ZNF697: variants seen among roughly 807,000 people sequenced by gnomAD.
The protein encoded by ZNF697 is zinc finger protein 697.
In ZNF697, 23 loss-of-function variants were observed where a neutral mutation model predicts 32.4. The observed-to-expected ratio is 0.71, with a 90% CI of 0.51 to 1.01. The LOEUF (loss-of-function observed/expected upper bound fraction) is 1.01. Among genes scored for constraint, ZNF697 ranks in the 50% least tolerant of loss-of-function variants. ZNF697 has a pLI of 0.00. For synonymous variants in ZNF697, 418 were observed against 337.2 expected, an observed-to-expected ratio of 1.24 and a Z score of -2.62; for missense variants, 930 against 794.0, an observed-to-expected ratio of 1.17 and a Z score of -2.06.
chr1:119,632,099 G>A lies in ZNF697; in HGVS notation c.-37-5962C>T, dbSNP rs587629728. 4.6e-5 allele frequency among the ~76,000 whole-genome samples: 7 copies of A among 152,258 alleles called. No individual in the cohort carries two copies. In the East Asian group the frequency reaches 1.4e-3, roughly 29 times the overall value. Reference sequence around the variant, plus strand: ...GTAAAAAGTCAGCTAGCCTCTCGGGGGATATGACCATCAAGGTCCTGCCTC... The same window carrying A: ...GTAAAAAGTCAGCTAGCCTCTCGGGAGATATGACCATCAAGGTCCTGCCTC... On this transcript the variant is annotated intron_variant, in intron 1 of 2. Transcript: ENST00000421812.
At chr1:119,630,273 A>C (rs587691520) in intron 1 of ZNF697, among the ~76,000 whole-genome samples, 27 of 152,356 alleles carry the variant, frequency 1.8e-4, no homozygotes, top group African/African-American at 6.0e-4. Flanking sequence ...CATGTGACAC[A>C]CAGGTGAGTT....
Position 119,623,035 on chromosome 1 carries a change from G to A in ZNF697, c.1308C>T (p.Pro436=), listed in dbSNP as rs773107983. 8.8e-6 allele frequency: 14 copies of A among 1,591,474 alleles called. No homozygotes were observed. The highest frequency in any genetic ancestry group is 8.7e-5 in the Admixed American group (5 of 57,758). Residue 436 remains proline (P), a synonymous_variant, in exon 3 of 3, where the codon CCC becomes CCT. Transcript: ENST00000421812. Reference sequence around the variant, plus strand: ...CCTTCCCGCACTCGCGGCACACGTAGGGCCGCTCACCCGAGTGCGTGCGCT... The same window carrying A: ...CCTTCCCGCACTCGCGGCACACGTAAGGCCGCTCACCCGAGTGCGTGCGCT... The part of the protein sequence containing the change: ...THKRTHSGER[P]YVCRECGKGF...
Position 119,626,088 on chromosome 1 carries a change from C to T in ZNF697, c.13G>A (p.Asp5Asn). The T allele has an allele frequency of 3.1e-6, 5 of 1,613,912 alleles. No homozygotes were observed. The highest frequency in any genetic ancestry group is 4.2e-6 in the Non-Finnish European group (5 of 1,179,826). MKQE[D>N]NQGVCAHQDS... ...TGGTGTGCACAGACACCCTGATTAT[C>T]TTCTTGTTTCATCCAGGAAGAAAAG... The change falls in exon 2 of 3, where the codon GAT becomes AAT. Residue 5 changes from aspartate (D) to asparagine (N), a missense_variant. Asp to Asn is a conservative substitution (Grantham distance 23). Transcript: ENST00000421812.
At position 119,623,325 on chromosome 1, in the gene ZNF697, C is replaced by A. The variant is rs1490710162; in HGVS notation, c.1018G>T (p.Ala340Ser). ...GCCGCCCCCGCGCCGCTGGCCGCCG[C>A]GTGCGCGCGCCGGTGGCTCAACAGA... Reference protein sequence around the residue: ...SHLLSHRRAHAAASGAGAAAL... With the variant: ...SHLLSHRRAHSAASGAGAAAL... Residue 340 changes from alanine to serine, a missense_variant, in exon 3 of 3, where the codon GCG becomes TCG. By Grantham distance (99) the Ala-to-Ser change is moderately conservative. Coordinates refer to ENST00000421812, the MANE Select transcript of ZNF697 (RefSeq NM_001080470.2). 2 of 1,307,618 alleles carry A rather than the reference C, an allele frequency of 1.5e-6. No individual in the cohort carries two copies. The highest frequency in any genetic ancestry group is 1.6e-5 in the African/African-American group (1 of 60,958). 81.0% of individuals were successfully genotyped at this position (1,307,618 alleles called of 1,614,324 possible).
intron 1 of ZNF697, among the ~76,000 whole-genome samples, chr1:119,642,348 A>C (rs995928699): frequency 6.6e-6 from 1 of 152,194 alleles, no homozygotes; most frequent in Non-Finnish European, 1.5e-5. Context: ...AGTGAATCCT[A>C]AAGTAAATTA....
In ZNF697 at chr1:119,622,563, A is replaced by C. The variant is rs878982622; in HGVS notation, c.*142T>G. 1 of 1,401,446 alleles carries C rather than the reference A, an allele frequency of 7.1e-7. No individual in the cohort carries two copies. The highest frequency in any genetic ancestry group is 9.3e-7 in the Non-Finnish European group (1 of 1,073,228). The allele number at this position is 1,401,446 out of a possible 1,614,324, so 86.8% of individuals were successfully genotyped here. On this transcript the variant is annotated 3_prime_UTR_variant, in exon 3 of 3. Coordinates refer to ENST00000421812, the MANE Select transcript of ZNF697 (RefSeq NM_001080470.2). ...ACTTACTCAACACTCCTCCCACTTC[A>C]GGAAACCCCAAACACCAAAGGCTCC... is the stretch of plus-strand genomic sequence containing the variant.
rs1302430700 is a variant in ZNF697 at position 119,620,107 on chromosome 1, A to G, written c.*2598T>C. The G allele has an allele frequency of 1.3e-5, 2 of 152,672 alleles. No individual in the cohort carries two copies. The highest frequency in any genetic ancestry group is 4.8e-5 in the African/African-American group (2 of 41,464). The allele number at this position is 152,672 out of a possible 1,614,324, so 9.5% of individuals were successfully genotyped here. ...AAAAATGGAATCACATTTTAAATGC[A>G]CCAATAGAGTCGGGTGTTGGTAGTT... is the stretch of plus-strand genomic sequence containing the variant. On this transcript the variant is annotated 3_prime_UTR_variant, in exon 3 of 3. Transcript: ENST00000421812.
Position 119,622,704 on chromosome 1 carries a change from C to T in ZNF697, c.*1G>A. On this transcript the variant is annotated 3_prime_UTR_variant, in exon 3 of 3. Transcript: ENST00000421812. ...ACGGCAGCCTCCCGCGGACCCAGCCCCTAACACAGGTGCAGCTTCTGGTGC... is the reference window on the plus strand; with the variant it reads ...ACGGCAGCCTCCCGCGGACCCAGCCTCTAACACAGGTGCAGCTTCTGGTGC... The T allele has an allele frequency of 6.6e-7, 1 of 1,523,962 alleles. No individual in the cohort carries two copies. Among genetic ancestry groups the T allele is most frequent in the Admixed American group, 2.0e-5 (1 of 49,592 alleles). The allele number at this position is 1,523,962 out of a possible 1,614,324, so 94.4% of individuals were successfully genotyped here.
rs1207928135 is a variant in ZNF697, at chr1:119,623,919, G to T, written c.424C>A (p.Pro142Thr). The T allele has an allele frequency of 1.0e-5, 16 of 1,575,938 alleles. No homozygotes were observed. The African/African-American group carries it at 1.8e-4, about 17-fold the overall frequency. ...EEEQPAPPVL[P>T]WRRHLSLGSR... is the part of the protein sequence containing the mutation. ...CCCAGGGAGAGATGTCGCCTCCAGG[G>T]AAGTACGGGAGGGGCCGGCTGCTCC... Residue 142 changes from proline to threonine, a missense_variant, in exon 3 of 3, where the codon CCC (proline) becomes ACC (threonine). Transcript: ENST00000421812.
chr1:119,622,417 T>TCCTCAAATC lies in ZNF697; in HGVS notation c.*287_*288insGATTTGAGG. ...GCCCACGAACTGCCCTTCCTCAAAG[T>TCCTCAAATC]GCCTGGTCCTCCAAGCTCTTCACCC... is the stretch of plus-strand genomic sequence containing the variant. On this transcript the variant is annotated 3_prime_UTR_variant, in exon 3 of 3. Coordinates refer to ENST00000421812, the MANE Select transcript of ZNF697 (RefSeq NM_001080470.2). 1 of 402,510 alleles carries TCCTCAAATC rather than the reference T, an allele frequency of 2.5e-6. No individual in the cohort carries two copies. The highest frequency in any genetic ancestry group is 4.2e-6 in the Non-Finnish European group (1 of 239,906). The allele number at this position is 402,510 out of a possible 1,614,324, so 24.9% of individuals were successfully genotyped here. A position where few individuals can be genotyped will look rare whatever the true frequency, so the allele number is the denominator to read the frequency against.
At chr1:119,643,058 C>T (rs373459464) in intron 1 of ZNF697, among the ~76,000 whole-genome samples, 1 of 152,186 alleles carries the variant, frequency 6.6e-6, no homozygotes, top group Non-Finnish European at 1.5e-5. Context: ...CAAAGCAAAA[C>T]ATTTCTTAGC....
At position 119,621,047 on chromosome 1, in the gene ZNF697, C is replaced by T. The variant is rs777437290; in HGVS notation, c.*1658G>A. On this transcript the variant is annotated 3_prime_UTR_variant, in exon 3 of 3. Coordinates refer to ENST00000421812, the MANE Select transcript of ZNF697 (RefSeq NM_001080470.2). ...TCAGCATAAGTAACTGAAATCTATACAAGAGTCATCTAACTACAGCCCCTT... is the reference window on the plus strand; with the variant it reads ...TCAGCATAAGTAACTGAAATCTATATAAGAGTCATCTAACTACAGCCCCTT... 11 of 152,178 alleles carry T rather than the reference C, an allele frequency of 7.2e-5. No homozygotes were observed. The highest frequency in any genetic ancestry group is 1.3e-4 in the Non-Finnish European group (9 of 68,012). 9.4% of individuals were successfully genotyped at this position (152,178 alleles called of 1,614,324 possible).
intron 1 of ZNF697, among the ~76,000 whole-genome samples, chr1:119,637,927 G>C (rs1161072925): frequency 6.6e-6 from 1 of 151,830 alleles, no homozygotes; most frequent in African/African-American, 2.4e-5. Flanking sequence ...GTCATCGTCT[G>C]TGTGTGTGTA....
At position 119,620,324 on chromosome 1, in the gene ZNF697, T is replaced by C. The variant is rs1557931093; in HGVS notation, c.*2381A>G. The C allele has an allele frequency of 1.3e-5, 2 of 152,474 alleles. No individual in the cohort carries two copies. Among genetic ancestry groups the C allele is most frequent in the Admixed American group, 6.6e-5 (1 of 15,266 alleles). 9.4% of individuals were successfully genotyped at this position (152,474 alleles called of 1,614,324 possible). A position where few individuals can be genotyped will look rare whatever the true frequency, so the allele number is the denominator to read the frequency against. ...CCCATTCTCTAAAGTTGCTGATATG[T>C]AGTATATTTGATGCAGACGAGACCA... is the stretch of plus-strand genomic sequence containing the variant. On this transcript the variant is annotated 3_prime_UTR_variant, in exon 3 of 3. Transcript: ENST00000421812.
chr1:119,644,202 A>G (rs1208153446), intron 1 of ZNF697, among the ~76,000 whole-genome samples: 1 of 152,226 alleles, frequency 6.6e-6, no homozygotes, highest in African/African-American at 2.4e-5. Flanking sequence ...GCTACCCAAA[A>G]GAAGTGAGAC....
chr1:119,634,645 G>C (rs146377041), intron 1 of ZNF697, among the ~76,000 whole-genome samples: 38 of 152,310 alleles, frequency 2.5e-4, no homozygotes, highest in Non-Finnish European at 5.1e-4. Context: ...TCATAGGAAA[G>C]AATGTAACAC....
intron 1 of ZNF697, among the ~76,000 whole-genome samples, chr1:119,647,100 G>C (rs979577287): frequency 6.6e-6 from 1 of 151,992 alleles, no homozygotes; most frequent in African/African-American, 2.4e-5. Context: ...GGGCGGTTGG[G>C]GGAGGCGGTT....
intron 1 of ZNF697, among the ~76,000 whole-genome samples, chr1:119,631,276 G>A (rs1184065163): frequency 6.6e-6 from 1 of 152,264 alleles, no homozygotes; most frequent in Non-Finnish European, 1.5e-5. Context: ...TGTCTCCTTG[G>A]AGCGGACCTA....
At chr1:119,647,062 A>G (rs1649229064) in intron 1 of ZNF697, among the ~76,000 whole-genome samples, 1 of 77,250 alleles carries the variant, frequency 1.3e-5, no homozygotes, top group South Asian at 4.4e-4. Context: ...GGGGTGGGTG[A>G]TTCACTCCTG....
Sources: allele counts gnomAD v4.1 joint callset (sites outside exome capture counted in the v4.1 genomes callset), GRCh38; gene constraint gnomAD v4.1.1; transcripts MANE v1.5; gene names NCBI Gene and HGNC (gene_info 2026-07-23, HGNC 2026-07-21).